Variants in PDZD2 observed in about 807,000 individuals in gnomAD.
PDZD2 encodes PDZ domain-containing protein 2.
In PDZD2, 90 loss-of-function variants were observed where a neutral mutation model predicts 220.7. The observed-to-expected ratio is 0.41, with a 90% confidence interval of 0.34 to 0.49. The LOEUF (loss-of-function observed/expected upper bound fraction) is 0.49. PDZD2 is among the 20% of genes least tolerant of loss of function. The pLI, the probability that PDZD2 is intolerant of heterozygous loss-of-function variation, is 0.28. For missense variants in PDZD2, 3,174 were observed against 3,608.5 expected (o/e 0.88, Z 3.08); for synonymous variants, 1,375 against 1,450.5 (o/e 0.95, Z 1.18).
chr5:31,927,943 A>G (rs1744940449), intron 2 of PDZD2, among the ~76,000 whole-genome samples: 1 of 152,186 alleles, frequency 6.6e-6, no homozygotes, highest in Non-Finnish European at 1.5e-5. Context: ...GCCTTCCTCC[A>G]TCTTCACCAA....
At position 32,074,316 on chromosome 5, in the gene PDZD2, T is replaced by C. The variant is rs1718071075; in HGVS notation, c.3210T>C (p.Pro1070=). 1 of 1,614,152 alleles carries C rather than the reference T, an allele frequency of 6.2e-7. No homozygotes were observed. The highest frequency in any genetic ancestry group is 8.5e-7 in the Non-Finnish European group (1 of 1,180,012). ...CTGCAGAGGCCCCCAAGGGGAGCCCTGGAAGCTGGTGGAAGAAGGAACTGT... is the reference window on the plus strand; with the variant it reads ...CTGCAGAGGCCCCCAAGGGGAGCCCCGGAAGCTGGTGGAAGAAGGAACTGT... The part of the protein sequence containing the change: ...TDSAEAPKGS[P]GSWWKKELSG... The change falls in exon 18 of 25, where the codon CCT becomes CCC. Residue 1070 remains proline, a synonymous_variant. Transcript: ENST00000438447.
intron 2 of PDZD2, among the ~76,000 whole-genome samples, chr5:31,880,791 C>CTTT (rs1037018187): frequency 2.9e-4 from 22 of 76,468 alleles, no homozygotes; most frequent in Non-Finnish European, 4.3e-4. Flanking sequence ...TTTTTTTTTT[C>CTTT]TTTTTTTTTT....
chr5:32,089,944 A>G lies in PDZD2; in HGVS notation c.6496A>G (p.Lys2166Glu). 6.2e-7 allele frequency: 1 copy of G among 1,608,984 alleles called. No homozygotes were observed. The highest frequency in any genetic ancestry group is 1.3e-5 in the African/African-American group (1 of 74,986). ...QEMSRSFSMAKLASSSSSLQT... is the reference protein window; with the variant it reads ...QEMSRSFSMAELASSSSSLQT... ...AATGTCACGATCATTCAGCATGGCA[A>G]AACTGGCGTCCTCCTCCTCCTCCCT... Residue 2166 changes from lysine to glutamate, a missense_variant, in exon 20 of 25, where the codon AAA (lysine) becomes GAA (glutamate). By Grantham distance (56) the Lys-to-Glu change is moderately conservative (BLOSUM62 1). Coordinates refer to ENST00000438447, the MANE Select transcript of PDZD2 (RefSeq NM_178140.4).
At chr5:32,096,913 G>A (rs766748039) in intron 21 of PDZD2, among the ~76,000 whole-genome samples, 1 of 134,520 alleles carries the variant, frequency 7.4e-6, no homozygotes, top group Non-Finnish European at 1.5e-5. Context: ...ATGGCTCACT[G>A]CAGCCGTGAC....
chr5:32,086,701 A>G (rs994449130), intron 19 of PDZD2, among the ~76,000 whole-genome samples: 40 of 150,040 alleles, frequency 2.7e-4, no homozygotes, highest in Middle Eastern at 7.0e-3. Flanking sequence ...TCTGAGACGG[A>G]GTTTCGCTCT....
At position 31,970,346 on chromosome 5, in the gene PDZD2, G is replaced by A. The variant is rs142445814; in HGVS notation, c.477-12809G>A. Among the ~76,000 whole-genome samples the A allele has an allele frequency of 7.2e-4, 110 of 152,200 alleles. 2 individuals carry two copies. In the East Asian group the frequency reaches 0.019, roughly 27 times the overall value. On this transcript the variant is annotated intron_variant, in intron 2 of 24. Coordinates refer to ENST00000438447, the MANE Select transcript of PDZD2 (RefSeq NM_178140.4). ...TAGACTGGCAAGGATTATAAAGAGC[G>A]ACAAGAGTGACAAGATTGTAAAGAG...
intron 3 of PDZD2, among the ~76,000 whole-genome samples, chr5:31,985,861 C>T (rs919089038): frequency 4.0e-5 from 6 of 151,890 alleles, no homozygotes; most frequent in Non-Finnish European, 7.4e-5. Flanking sequence ...GGTGGATCAC[C>T]TGAGGTCAGG....
chr5:31,694,489 T>G (rs1747287251), intron 1 of PDZD2, among the ~76,000 whole-genome samples: 1 of 152,244 alleles, frequency 6.6e-6, no homozygotes, highest in African/African-American at 2.4e-5. Context: ...GTGTCTTGGC[T>G]TTACATGAGC....
intron 18 of PDZD2, among the ~76,000 whole-genome samples, chr5:32,074,940 A>T (rs1249477874): frequency 6.6e-6 from 1 of 151,828 alleles, no homozygotes; most frequent in Non-Finnish European, 1.5e-5. Flanking sequence ...CCTCCCGAGG[A>T]GCTGGGACTA....
rs144153125 is a variant in PDZD2 at position 31,926,188 on chromosome 5, C to G, written c.477-56967C>G. Among the ~76,000 whole-genome samples the G allele has an allele frequency of 1.8e-3, 272 of 151,424 alleles. 2 individuals are homozygous for G. The highest frequency in any genetic ancestry group is 0.01 in the Middle Eastern group (3 of 294). ...AGAGCTATGATTGTGCCACTGTGCC[C>G]CAGCCTGGGCAACGGAGCAAGACCC... is the stretch of plus-strand genomic sequence containing the variant. On this transcript the variant is annotated intron_variant, in intron 2 of 24. Coordinates refer to ENST00000438447, the MANE Select transcript of PDZD2 (RefSeq NM_178140.4).
Position 32,098,516 on chromosome 5 carries a change from C to T in PDZD2, c.8100C>T (p.Ala2700=), listed in dbSNP as rs2111653902. Residue 2700 remains alanine, a synonymous_variant, in exon 23 of 25, where the codon GCC becomes GCT. Transcript: ENST00000438447. This position sits in a 1 kb window ranked among gnomAD's most constrained non-coding sequence, Gnocchi z 4.1. ...ACCAGGCACAGCTGCACAAAGATGC[C>T]CTCGTGGTCATCAAGAAAGGGATGG... ...VLHQAQLHKD[A]LVVIKKGMDQ... 6.2e-7 allele frequency: 1 copy of T among 1,614,140 alleles called. No individual in the cohort carries two copies. Among genetic ancestry groups the T allele is most frequent in the South Asian group, 1.1e-5 (1 of 91,072 alleles).
chr5:31,880,127 T>C (rs1214480640), intron 2 of PDZD2, among the ~76,000 whole-genome samples: 4 of 152,070 alleles, frequency 2.6e-5, no homozygotes, highest in African/African-American at 9.7e-5. Context: ...TTTCACCATG[T>C]TGGCCAAGCT....
intron 2 of PDZD2, among the ~76,000 whole-genome samples, chr5:31,877,430 G>C (rs540863431): frequency 6.6e-6 from 1 of 152,138 alleles, no homozygotes; most frequent in South Asian, 2.1e-4. Context: ...CATTGCCCAG[G>C]CTGGACTTGA....
chr5:31,711,942 T>G (rs1285886628), intron 1 of PDZD2: 1 of 152,470 alleles, frequency 6.6e-6, no homozygotes, highest in Non-Finnish European at 1.5e-5. Flanking sequence ...TCTTTGAGTC[T>G]GGAAGTCAGT....
intron 2 of PDZD2, among the ~76,000 whole-genome samples, chr5:31,882,389 C>A (rs1740009807): frequency 6.6e-6 from 1 of 152,136 alleles, no homozygotes. Flanking sequence ...TTATAAAGGG[C>A]CCCTCAAGTA....
intron 1 of PDZD2, among the ~76,000 whole-genome samples, chr5:31,724,602 C>CAAA (rs35523154): frequency 3.4e-4 from 21 of 60,994 alleles, no homozygotes; most frequent in East Asian, 5.9e-4. Flanking sequence ...AATTCCGTCT[C>CAAA]AAAAAAAAAA....
At chr5:32,049,923 C>G (rs1004533962) in intron 8 of PDZD2, among the ~76,000 whole-genome samples, 5 of 152,068 alleles carry the variant, frequency 3.3e-5, no homozygotes, top group Admixed American at 2.0e-4. Flanking sequence ...TGGAAGATGG[C>G]CTGTCAGTCG....
intron 24 of PDZD2, among the ~76,000 whole-genome samples, chr5:32,102,554 G>A (rs2111702943): frequency 6.6e-6 from 1 of 152,002 alleles, no homozygotes; most frequent in East Asian, 1.9e-4. Flanking sequence ...GACTCATCAA[G>A]TTAACTGTTC....
chr5:31,772,344 A>G (rs1217292232), intron 1 of PDZD2, among the ~76,000 whole-genome samples: 3 of 152,168 alleles, frequency 2.0e-5, no homozygotes, highest in African/African-American at 2.4e-5. Flanking sequence ...AAAATAGCCA[A>G]TAGGAATTAG....
Sources: allele counts gnomAD v4.1 joint callset (sites outside exome capture counted in the v4.1 genomes callset), GRCh38; gene constraint gnomAD v4.1.1; non-coding constraint Gnocchi (gnomAD v3.1); transcripts MANE v1.5; gene names NCBI Gene and HGNC (gene_info 2026-07-23, HGNC 2026-07-21).